Variants in NTN1 observed in about 807,000 individuals in gnomAD.
NTN1 encodes the protein netrin 1, also known as netrin-1.
Under a neutral mutation model 54.2 loss-of-function variants are expected in NTN1, and 11 were observed. The ratio of observed to expected loss-of-function variants is 0.20; its 90% CI spans 0.13 to 0.34. The LOEUF (loss-of-function observed/expected upper bound fraction) is 0.34, where lower values mean the gene tolerates loss of function less well. Ranked by LOEUF, NTN1 falls within the 10% of genes least tolerant of loss-of-function variation. The probability of loss-of-function intolerance (pLI) is 1.00; values close to 1 mark genes in which losing one functional copy is unlikely to be tolerated. For missense variants in NTN1, 740 were observed against 893.1 expected (o/e 0.83, Z 2.18); for synonymous variants, 371 against 382.0 (o/e 0.97, Z 0.33).
chr17:9,222,936 C>A (rs1012065430), intron 6 of NTN1, among the ~76,000 whole-genome samples: 1 of 152,196 alleles, frequency 6.6e-6, no homozygotes, highest in Non-Finnish European at 1.5e-5. Context: ...TACGCACACA[C>A]TGAAGCCAGG....
At chr17:9,034,707 G>C (rs1487789512) in intron 2 of NTN1, among the ~76,000 whole-genome samples, 2 of 152,024 alleles carry the variant, frequency 1.3e-5, no homozygotes, top group South Asian at 2.1e-4. Flanking sequence ...ACAGGGGTGA[G>C]CCACTGCGCC....
Position 9,165,980 on chromosome 17 carries a change from C to A in NTN1, c.1207+2979C>A, listed in dbSNP as rs1345400638. Among the ~76,000 whole-genome samples the A allele has an allele frequency of 6.6e-6, 1 of 152,216 alleles. No homozygotes were observed. The highest frequency in any genetic ancestry group is 1.5e-5 in the Non-Finnish European group (1 of 68,042). On this transcript the variant is annotated intron_variant, in intron 3 of 6. Transcript: ENST00000173229. The surrounding 1 kb of genome is among the most constrained non-coding windows in gnomAD (Gnocchi z 4.5). ...ACATCTCTGGAAAGTCCAGATCTTTCCCCTCAGCTCTTTCCTTTCCTGGTA... is the reference window on the plus strand; with the variant it reads ...ACATCTCTGGAAAGTCCAGATCTTTACCCTCAGCTCTTTCCTTTCCTGGTA...
At chr17:9,179,980 T>C (rs2092413848) in intron 4 of NTN1, 24 bp downstream of exon 4, 2 of 1,603,044 alleles carry the variant, frequency 1.2e-6, no homozygotes, top group South Asian at 2.2e-5. Context: ...ACCCTGCTTT[T>C]CAAGTCTCTG....
chr17:9,159,380 C>T (rs767709605), intron 2 of NTN1, among the ~76,000 whole-genome samples: 51 of 152,072 alleles, frequency 3.4e-4, no homozygotes, highest in African/African-American at 1.2e-3. Flanking sequence ...AAAAGAATGC[C>T]GATACCAAAT....
chr17:9,079,214 T>C (rs1439227042), intron 2 of NTN1, among the ~76,000 whole-genome samples: 3 of 152,112 alleles, frequency 2.0e-5, no homozygotes, highest in Non-Finnish European at 4.4e-5. Flanking sequence ...GCCAAGGGAG[T>C]AGAACCCTGC....
intron 2 of NTN1, among the ~76,000 whole-genome samples, chr17:9,138,277 C>T (rs572366993): frequency 5.3e-5 from 8 of 152,202 alleles, no homozygotes; most frequent in South Asian, 4.2e-4. Flanking sequence ...GGTGAGATAC[C>T]GCCCCAGGCC....
rs191069958 is a variant in NTN1, at chr17:9,037,852, A to G, written c.1018+14461A>G. On this transcript the variant is annotated intron_variant, in intron 2 of 6. Transcript: ENST00000173229. ...AGCCTCCCTGGTCTCTTCTTAACAC[A>G]GCAGCCAGAGGTAACTGCCTGTGTG... Among the ~76,000 whole-genome samples, 340 of 152,252 alleles carry G rather than the reference A, an allele frequency of 2.2e-3. 3 individuals carry two copies. Among genetic ancestry groups the G allele is most frequent in the African/African-American group, 7.7e-3 (319 of 41,534 alleles).
chr17:9,113,603 C>T (rs1417714938), intron 2 of NTN1, among the ~76,000 whole-genome samples: 2 of 152,214 alleles, frequency 1.3e-5, no homozygotes, highest in African/African-American at 4.8e-5. Flanking sequence ...TGCAGGAAGA[C>T]ACTTTCTTTG....
intron 4 of NTN1, 71 bp downstream of exon 4, chr17:9,180,027 T>C: frequency 6.6e-7 from 1 of 1,504,872 alleles, no homozygotes; most frequent in South Asian, 1.3e-5. Flanking sequence ...AGGATGCTAG[T>C]CACTGATGTT....
At chr17:9,217,646 G>C (rs1185796631) in intron 5 of NTN1, among the ~76,000 whole-genome samples, 1 of 152,116 alleles carries the variant, frequency 6.6e-6, no homozygotes, top group Non-Finnish European at 1.5e-5. Flanking sequence ...CCAAATAGCT[G>C]TCACAGTGTC....
rs148213778 is a variant in NTN1 at position 9,226,161 on chromosome 17, T to TGGGGGGG, written c.1486+4919_1486+4920insGGGGGGG. The stretch of plus-strand genomic sequence containing the variant: ...CGAAGCAAGGCAAAGGGATTTGGGG[T>TGGGGGGG]CGGGGGGGGGCCTCAGTGCCAAGGC... On this transcript the variant is annotated intron_variant, in intron 6 of 6. Transcript: ENST00000173229. Among the ~76,000 whole-genome samples the TGGGGGGG allele has an allele frequency of 4.0e-4, 47 of 118,064 alleles. 2 individuals are homozygous for TGGGGGGG. Among genetic ancestry groups the TGGGGGGG allele is most frequent in the South Asian group, 2.0e-3 (6 of 2,984 alleles). 77.5% of individuals were successfully genotyped at this position (118,064 alleles called of 152,430 possible).
At chr17:9,113,019 A>ATTTTTTTTTTTTT (rs398058563) in intron 2 of NTN1, among the ~76,000 whole-genome samples, 1 of 141,938 alleles carries the variant, frequency 7.0e-6, no homozygotes. Flanking sequence ...TGTATACAGA[A>ATTTTTTTTTTTTT]TTTTTTTTAT....
chr17:9,052,163 G>C (rs886137106), intron 2 of NTN1, among the ~76,000 whole-genome samples: 6 of 151,954 alleles, frequency 3.9e-5, no homozygotes, highest in African/African-American at 1.5e-4. Flanking sequence ...GTAGAGATGG[G>C]GTTCTCCATG....
chr17:9,122,527 G>A (rs2092234595), intron 2 of NTN1, among the ~76,000 whole-genome samples: 1 of 152,168 alleles, frequency 6.6e-6, no homozygotes, highest in African/African-American at 2.4e-5. Flanking sequence ...GGTGGGTCTC[G>A]GGAAGCATTA....
chr17:9,216,446 G>A (rs1905218209), intron 5 of NTN1, among the ~76,000 whole-genome samples: 1 of 152,140 alleles, frequency 6.6e-6, no homozygotes, highest in African/African-American at 2.4e-5. Flanking sequence ...TATTGTGTAT[G>A]GCTGTTTTTA....
chr17:9,083,511 C>G (rs937612239), intron 2 of NTN1, among the ~76,000 whole-genome samples: 7 of 152,180 alleles, frequency 4.6e-5, no homozygotes, highest in Non-Finnish European at 7.3e-5. Context: ...GTCATGTGAC[C>G]TGGTTTGGTC....
At chr17:9,184,577 G>A (rs2092427736) in intron 5 of NTN1, among the ~76,000 whole-genome samples, 2 of 152,216 alleles carry the variant, frequency 1.3e-5, no homozygotes, top group Non-Finnish European at 2.9e-5. Flanking sequence ...CACACCGCGG[G>A]GGGCTGAGGC....
intron 5 of NTN1, among the ~76,000 whole-genome samples, chr17:9,205,907 G>A (rs1327393057): frequency 2.6e-5 from 4 of 152,270 alleles, no homozygotes; most frequent in Non-Finnish European, 5.9e-5. Context: ...TCGGGACATT[G>A]GGTGGAAAGC....
intron 5 of NTN1, among the ~76,000 whole-genome samples, chr17:9,216,780 C>T (rs538964914): frequency 2.3e-4 from 35 of 152,336 alleles, no homozygotes; most frequent in Non-Finnish European, 3.4e-4. Context: ...CGGTGGCTCA[C>T]GCCTGTAATC....
Sources: allele counts gnomAD v4.1 joint callset (sites outside exome capture counted in the v4.1 genomes callset), GRCh38; gene constraint gnomAD v4.1.1; non-coding constraint Gnocchi (gnomAD v3.1); transcripts MANE v1.5; gene names NCBI Gene and HGNC (gene_info 2026-07-23, HGNC 2026-07-21).